SPINK5: variants seen among roughly 807,000 people sequenced by gnomAD.
SPINK5 encodes serine protease inhibitor Kazal-type 5.
In SPINK5, 125 loss-of-function variants were observed where a neutral mutation model predicts 151.8. The observed-to-expected ratio is 0.82, with a 90% CI of 0.71 to 0.96. The LOEUF (loss-of-function observed/expected upper bound fraction) is 0.96, where lower values mean the gene tolerates loss of function less well. Among genes scored for constraint, SPINK5 ranks in the 40% least tolerant of loss-of-function variants. The pLI, the probability that SPINK5 is intolerant of heterozygous loss-of-function variation, is 0.00. For missense variants in SPINK5, 1,194 were observed against 1,291.9 expected (o/e 0.92, Z 1.16); for synonymous variants, 374 against 395.3 (o/e 0.95, Z 0.64).
In SPINK5 at chr5:148,125,812, G is replaced by A; in HGVS notation, c.2829G>A (p.Lys943=). The change falls in exon 29 of 33, where the codon AAG becomes AAA. Residue 943 remains lysine, a synonymous_variant. Coordinates refer to ENST00000256084, the MANE Select transcript of SPINK5 (RefSeq NM_006846.4). Reference sequence around the variant, plus strand: ...ACCCAGTGCACGGTGCTGATGGAAAGTTCTATACAAACAAGTGCTACATGT... The same window carrying A: ...ACCCAGTGCACGGTGCTGATGGAAAATTCTATACAAACAAGTGCTACATGT... ...ENDPVHGADG[K]FYTNKCYMCR... The A allele has an allele frequency of 6.2e-7, 1 of 1,614,220 alleles. No individual in the cohort carries two copies. Among genetic ancestry groups the A allele is most frequent in the Non-Finnish European group, 8.5e-7 (1 of 1,180,038 alleles).
intron 20 of SPINK5, 84 bp downstream of exon 20, chr5:148,113,018 C>T (rs1374973166): frequency 6.3e-7 from 1 of 1,575,696 alleles, no homozygotes; most frequent in Non-Finnish European, 8.6e-7. Flanking sequence ...ATTACTGAAA[C>T]CCCAGTTGTG....
intron 32 of SPINK5, among the ~76,000 whole-genome samples, chr5:148,136,125 C>T (rs1201398716): frequency 6.6e-6 from 1 of 152,018 alleles, no homozygotes; most frequent in South Asian, 2.1e-4. Flanking sequence ...ACTACCATTC[C>T]TTAGTTGTCA....
In SPINK5 at chr5:148,100,463, A is replaced by G; in HGVS notation, c.1102A>G (p.Ser368Gly). 1 of 1,611,918 alleles carries G rather than the reference A, an allele frequency of 6.2e-7. No homozygotes were observed. The highest frequency in any genetic ancestry group is 8.5e-7 in the Non-Finnish European group (1 of 1,178,300). ...TCTTCTATCTCGGCAGGAGCTTTGC[A>G]GTGAATATCGAAAGCTTGTGAGGAA... is the stretch of plus-strand genomic sequence containing the variant. ...GKATSYAELC[S>G]EYRKLVRNGK... Residue 368 changes from serine to glycine, a missense_variant, in exon 13 of 33, where the codon AGT becomes GGT. Physicochemically the swap from Ser to Gly is moderately conservative, Grantham distance 56. Coordinates refer to ENST00000256084, the MANE Select transcript of SPINK5 (RefSeq NM_006846.4).
intron 17 of SPINK5, 84 bp from the exon 18 acceptor site, chr5:148,108,669 G>A: frequency 6.4e-7 from 1 of 1,561,126 alleles, no homozygotes; most frequent in Non-Finnish European, 8.7e-7. Flanking sequence ...CTGTTGGTTT[G>A]GAAGATCCTC....
Position 148,114,484 on chromosome 5 carries a change from AGT to A in SPINK5, c.2011_2012del (p.Val671LeufsTer6). 6.2e-7 allele frequency: 1 copy of A among 1,613,428 alleles called. No homozygotes were observed. On this transcript the variant is annotated frameshift_variant, in exon 21 of 33. Coordinates refer to ENST00000256084, the MANE Select transcript of SPINK5 (RefSeq NM_006846.4). LOFTEE classifies it high-confidence loss of function. The stretch of plus-strand genomic sequence containing the variant: ...GCAACAAGTGTGCCATGTGTAAGGC[AGT>A]CTTGTGAGTGCACAAAGAAAACCAC... The part of the protein sequence containing the change: ...HGNKCAMCKA[V>X]FQKENEERKR...
chr5:148,135,854 C>T, intron 32 of SPINK5, among the ~76,000 whole-genome samples: 1 of 152,010 alleles, frequency 6.6e-6, no homozygotes, highest in East Asian at 1.9e-4. Context: ...ATCTTGGAAC[C>T]CACTCTTTTG....
At chr5:148,135,476 A>C (rs1173210839) in intron 32 of SPINK5, among the ~76,000 whole-genome samples, 1 of 152,222 alleles carries the variant, frequency 6.6e-6, no homozygotes, top group Non-Finnish European at 1.5e-5. Context: ...CTTATCACAC[A>C]GGGTGTTGTA....
At chr5:148,076,924 C>G (rs931960533) in intron 4 of SPINK5, among the ~76,000 whole-genome samples, 3 of 151,260 alleles carry the variant, frequency 2.0e-5, no homozygotes, top group African/African-American at 7.3e-5. Flanking sequence ...AATGGAAATA[C>G]AGAGACAGAC....
At chr5:148,107,954 T>C (rs575793930) in intron 17 of SPINK5, among the ~76,000 whole-genome samples, 55 of 152,340 alleles carry the variant, frequency 3.6e-4, no homozygotes, top group Non-Finnish European at 6.3e-4. Context: ...GCAAAGTTAA[T>C]GTCTCCTAAC....
intron 22 of SPINK5, among the ~76,000 whole-genome samples, chr5:148,116,829 T>C (rs1754107274): frequency 6.6e-6 from 1 of 152,226 alleles, no homozygotes; most frequent in Non-Finnish European, 1.5e-5. Flanking sequence ...GTGTCTTTTC[T>C]GTTGATCCAA....
At chr5:148,089,760 A>G in intron 7 of SPINK5, 139 bp downstream of exon 7, 2 of 1,268,344 alleles carry the variant, frequency 1.6e-6, no homozygotes, top group South Asian at 2.5e-5. Flanking sequence ...CCTTTCTCAC[A>G]GAAAGGCTTC....
rs1197228420 is a variant in SPINK5, at chr5:148,099,168, G to C, written c.1011-66G>C. 2.8e-6 allele frequency: 4 copies of C among 1,430,762 alleles called. No individual in the cohort carries two copies. In the African/African-American group the frequency reaches 5.6e-5, roughly 20 times the overall value. 88.6% of individuals were successfully genotyped at this position (1,430,762 alleles called of 1,614,324 possible). ...GGAGGGAGAACAGTTAACAGTGCAA[G>C]GATGTGGAGAAATCATGGCATGTGT... On this transcript the variant is annotated intron_variant, in intron 11 of 32. Coordinates refer to ENST00000256084, the MANE Select transcript of SPINK5 (RefSeq NM_006846.4).
intron 30 of SPINK5, among the ~76,000 whole-genome samples, chr5:148,129,242 C>T (rs1754514378): frequency 6.6e-6 from 1 of 152,174 alleles, no homozygotes. Context: ...ATTTTAAAGA[C>T]TTTGCCTAAT....
intron 4 of SPINK5, among the ~76,000 whole-genome samples, chr5:148,079,625 C>T (rs1752967998): frequency 6.6e-6 from 1 of 151,006 alleles, no homozygotes; most frequent in Non-Finnish European, 1.5e-5. Flanking sequence ...GTCTAATACA[C>T]AATATTAACA....
At chr5:148,126,888 G>A in intron 29 of SPINK5, 95 bp from the exon 30 acceptor site, 1 of 1,074,070 alleles carries the variant, frequency 9.3e-7, no homozygotes, top group Non-Finnish European at 1.4e-6. Context: ...TACCATGCCT[G>A]GCCTCTGTCA....
chr5:148,131,207 C>T, intron 30 of SPINK5, 52 bp from the exon 31 acceptor site: 1 of 1,609,196 alleles, frequency 6.2e-7, no homozygotes, highest in Non-Finnish European at 8.5e-7. Context: ...TTAAGCCCAC[C>T]CCTCTTCTTG....
At position 148,095,903 on chromosome 5, in the gene SPINK5, G is replaced by C. The variant is rs1334739805; in HGVS notation, c.880G>C (p.Val294Leu). The C allele has an allele frequency of 1.2e-6, 2 of 1,610,382 alleles. No homozygotes were observed. Among genetic ancestry groups the C allele is most frequent in the Non-Finnish European group, 1.7e-6 (2 of 1,177,440 alleles). Residue 294 changes from valine (V) to leucine (L), a missense_variant and splice_region_variant, in exon 10 of 33, where the codon GTG becomes CTG. Physicochemically the swap from Val to Leu is conservative, Grantham distance 32. Coordinates refer to ENST00000256084, the MANE Select transcript of SPINK5 (RefSeq NM_006846.4). ...EEKTKVKREI[V>L]KLCSQYQNQA... The stretch of plus-strand genomic sequence containing the variant: ...AAAAACTAAAGTTAAAAGAGAAATT[G>C]TGGTGAGAATCAGTTTGATCAATCT...
At chr5:148,119,692 T>C (rs1754199891) in intron 24 of SPINK5, among the ~76,000 whole-genome samples, 1 of 152,206 alleles carries the variant, frequency 6.6e-6, no homozygotes, top group Non-Finnish European at 1.5e-5. Context: ...CCGCTGCCTC[T>C]CTCTTTAATG....
chr5:148,135,327 A>G (rs1015120457), intron 32 of SPINK5, among the ~76,000 whole-genome samples: 15 of 152,196 alleles, frequency 9.9e-5, no homozygotes, highest in African/African-American at 3.1e-4. Flanking sequence ...TGCCAGTCCA[A>G]TAGACCACAC....
Sources: allele counts gnomAD v4.1 joint callset (sites outside exome capture counted in the v4.1 genomes callset), GRCh38; gene constraint gnomAD v4.1.1; transcripts MANE v1.5; gene names NCBI Gene and HGNC (gene_info 2026-07-23, HGNC 2026-07-21).